Variants in DIAPH3 observed in about 807,000 individuals in gnomAD.
DIAPH3 encodes the protein diaphanous related formin 3.
In DIAPH3, 117 loss-of-function variants were observed where a neutral mutation model predicts 144.3. The observed-to-expected ratio is 0.81, with a 90% CI of 0.70 to 0.95. The LOEUF is 0.95. DIAPH3 is among the 40% of genes least tolerant of loss of function. The pLI is 0.00. For missense variants in DIAPH3, 1,421 were observed against 1,412.7 expected, an observed-to-expected ratio of 1.01 and a Z score of -0.09; for synonymous variants, 519 against 488.9, an observed-to-expected ratio of 1.06 and a Z score of -0.81.
chr13:60,039,199 A>T (rs949247376), intron 5 of DIAPH3, among the ~76,000 whole-genome samples: 2 of 152,138 alleles, frequency 1.3e-5, no homozygotes, highest in Non-Finnish European at 2.9e-5. Context: ...CACAATTGCT[A>T]GGCAGTTTCA....
chr13:59,810,936 T>C lies in DIAPH3; in HGVS notation c.3028-13A>G. On this transcript the variant is annotated splice_polypyrimidine_tract_variant and intron_variant, in intron 24 of 27. Coordinates refer to ENST00000400324, the MANE Select transcript of DIAPH3 (RefSeq NM_001042517.2). ...CCTTTATTGCTTGCTAAAAAAATTT[T>C]GAAAAATGATCAATTTTAACCAGTG... The C allele has an allele frequency of 6.3e-7, 1 of 1,592,290 alleles. No homozygotes were observed. Among genetic ancestry groups the C allele is most frequent in the South Asian group, 1.1e-5 (1 of 87,886 alleles).
intron 18 of DIAPH3, among the ~76,000 whole-genome samples, chr13:59,920,498 T>G (rs1593988890): frequency 6.6e-6 from 1 of 151,352 alleles, no homozygotes; most frequent in Non-Finnish European, 1.5e-5. Context: ...GATGTAACAC[T>G]TGTAAACATA....
chr13:59,728,331 T>C (rs1425821551), intron 27 of DIAPH3, among the ~76,000 whole-genome samples: 1 of 152,072 alleles, frequency 6.6e-6, no homozygotes, highest in Non-Finnish European at 1.5e-5. Context: ...AATGACTTAA[T>C]GTTGACTGAC....
At chr13:60,086,617 A>T (rs2057757407) in intron 4 of DIAPH3, among the ~76,000 whole-genome samples, 1 of 151,660 alleles carries the variant, frequency 6.6e-6, no homozygotes, top group Admixed American at 6.6e-5. Flanking sequence ...AAAAAAATTC[A>T]CGTTAATGTT....
chr13:60,095,736 T>C (rs1325955909), intron 3 of DIAPH3, among the ~76,000 whole-genome samples: 1 of 152,212 alleles, frequency 6.6e-6, no homozygotes, highest in Non-Finnish European at 1.5e-5. Context: ...TGTAAAATTA[T>C]TACATATTAA....
chr13:60,054,048 C>T (rs2056464454), intron 4 of DIAPH3, among the ~76,000 whole-genome samples: 1 of 152,022 alleles, frequency 6.6e-6, no homozygotes, highest in South Asian at 2.1e-4. Flanking sequence ...AACACTACTC[C>T]AATCACTGTA....
rs532806689 is a variant in DIAPH3, at chr13:59,785,443, T to C, written c.3164-10620A>G. 5.3e-5 allele frequency among the ~76,000 whole-genome samples: 8 copies of C among 152,348 alleles called. No homozygotes were observed. The South Asian group carries it at 1.7e-3, about 32-fold the overall frequency. On this transcript the variant is annotated intron_variant, in intron 25 of 27. Transcript: ENST00000400324. ...TTGCTTCTTACTCTTATCAGCTGTG[T>C]GCTCCTTAAAGACCACCCCTGTCTC...
At chr13:59,709,305 G>A (rs962726728) in intron 27 of DIAPH3, among the ~76,000 whole-genome samples, 1 of 152,044 alleles carries the variant, frequency 6.6e-6, no homozygotes, top group Admixed American at 6.5e-5. Flanking sequence ...GAGCGAACAG[G>A]CAACCTACAA....
chr13:59,728,707 G>A (rs1041813238), intron 27 of DIAPH3, among the ~76,000 whole-genome samples: 1 of 151,984 alleles, frequency 6.6e-6, no homozygotes, highest in Non-Finnish European at 1.5e-5. Context: ...AGACTGTGAA[G>A]TAATATAAAA....
intron 22 of DIAPH3, among the ~76,000 whole-genome samples, chr13:59,846,614 T>TAA (rs139461645): frequency 6.6e-6 from 1 of 151,148 alleles, no homozygotes; most frequent in East Asian, 1.9e-4. Context: ...CTCAGTAGTA[T>TAA]AAAAAAAAAT....
intron 27 of DIAPH3, among the ~76,000 whole-genome samples, chr13:59,673,456 G>A (rs1593549562): frequency 6.6e-6 from 1 of 152,134 alleles, no homozygotes; most frequent in East Asian, 1.9e-4. Context: ...GTCCCTGGGA[G>A]GTGGCCTCTA....
intron 25 of DIAPH3, among the ~76,000 whole-genome samples, chr13:59,805,482 T>C (rs1240049743): frequency 1.3e-5 from 2 of 152,056 alleles, no homozygotes; most frequent in East Asian, 3.8e-4. Context: ...TTAGTAGTTT[T>C]CATGTCAGAT....
chr13:59,743,983 A>T (rs112359273), intron 27 of DIAPH3, among the ~76,000 whole-genome samples: 3 of 152,188 alleles, frequency 2.0e-5, no homozygotes, highest in African/African-American at 7.2e-5. Flanking sequence ...GTGGCAAATC[A>T]TGCTATTCTT....
chr13:59,692,778 C>A (rs78189360), intron 27 of DIAPH3, among the ~76,000 whole-genome samples: 4,728 of 152,160 alleles, frequency 0.031, 265 homozygotes, highest in African/African-American at 0.11. Flanking sequence ...ACAGCCGCTC[C>A]TTGTTTCATG....
chr13:60,159,984 G>C (rs1566837538), intron 1 of DIAPH3, among the ~76,000 whole-genome samples: 1 of 152,174 alleles, frequency 6.6e-6, no homozygotes, highest in Non-Finnish European at 1.5e-5. Context: ...CCAGCACTTT[G>C]GGAGGCCGAG....
chr13:60,060,808 T>C (rs1435366555), intron 4 of DIAPH3, among the ~76,000 whole-genome samples: 1 of 152,098 alleles, frequency 6.6e-6, no homozygotes, highest in Non-Finnish European at 1.5e-5. Flanking sequence ...CATGAAAATT[T>C]AAAATTTTAA....
chr13:59,739,428 T>G (rs1364028571), intron 27 of DIAPH3, among the ~76,000 whole-genome samples: 2 of 152,192 alleles, frequency 1.3e-5, no homozygotes, highest in Non-Finnish European at 2.9e-5. Context: ...TTGGGAATAC[T>G]AATACCAACA....
In DIAPH3 at chr13:60,008,644, T is replaced by G. The variant is rs2053044140; in HGVS notation, c.914A>C (p.Glu305Ala). The G allele has an allele frequency of 6.2e-7, 1 of 1,609,662 alleles. No homozygotes were observed. Among genetic ancestry groups the G allele is most frequent in the Admixed American group, 1.7e-5 (1 of 59,930 alleles). ...VCIVGEESILEEVLEALTSAG... is the reference protein window; with the variant it reads ...VCIVGEESILAEVLEALTSAG... Reference sequence around the variant, plus strand: ...TGAAGTTAAAGCTTCTAAAACTTCTTCAAGGCTATTGGAAAATTTGAGTCA... The same window carrying G: ...TGAAGTTAAAGCTTCTAAAACTTCTGCAAGGCTATTGGAAAATTTGAGTCA... Residue 305 changes from glutamate (E) to alanine (A), a missense_variant, in exon 9 of 28, where the codon GAA becomes GCA. Physicochemically the swap from Glu to Ala is moderately radical, Grantham distance 107 (BLOSUM62 -1). Coordinates refer to ENST00000400324, the MANE Select transcript of DIAPH3 (RefSeq NM_001042517.2).
At chr13:60,036,453 A>T (rs1404825490) in intron 5 of DIAPH3, among the ~76,000 whole-genome samples, 2 of 152,122 alleles carry the variant, frequency 1.3e-5, no homozygotes, top group Non-Finnish European at 2.9e-5. Context: ...AGTTAACTAA[A>T]TTTAAATAGC....
Sources: allele counts gnomAD v4.1 joint callset (sites outside exome capture counted in the v4.1 genomes callset), GRCh38; gene constraint gnomAD v4.1.1; transcripts MANE v1.5; gene names NCBI Gene and HGNC (gene_info 2026-07-23, HGNC 2026-07-21).